DYNC2H1: variants seen among roughly 807,000 people sequenced by gnomAD.
DYNC2H1 encodes dynein cytoplasmic 2 heavy chain 1, also known as cytoplasmic dynein 2 heavy chain 1.
A neutral mutation model predicts 570.0 loss-of-function variants in DYNC2H1; 410 were observed. The observed-to-expected ratio is 0.72, with a 90% confidence interval of 0.66 to 0.78. The LOEUF (loss-of-function observed/expected upper bound fraction) is 0.78, where lower values mean the gene tolerates loss of function less well. Among genes scored for constraint, DYNC2H1 ranks in the 30% least tolerant of loss-of-function variants. DYNC2H1 has a pLI of 0.00. For synonymous variants in DYNC2H1, 1,688 were observed against 1,677.6 expected (o/e 1.01, Z -0.15); for missense variants, 4,865 against 5,046.4 (o/e 0.96, Z 1.09).
chr11:103,372,574 T>A (rs1379445713), intron 83 of DYNC2H1, among the ~76,000 whole-genome samples: 1 of 152,196 alleles, frequency 6.6e-6, no homozygotes, highest in Non-Finnish European at 1.5e-5. Flanking sequence ...CTGGGGTGAA[T>A]CCCACTTTAG....
chr11:103,421,726 A>G (rs779633579), intron 84 of DYNC2H1, among the ~76,000 whole-genome samples: 1 of 152,180 alleles, frequency 6.6e-6, no homozygotes, highest in African/African-American at 2.4e-5. Context: ...CAGGAAATTT[A>G]TAGTACTAAA....
intron 17 of DYNC2H1, among the ~76,000 whole-genome samples, chr11:103,139,486 C>T (rs1253527942): frequency 6.6e-6 from 1 of 152,084 alleles, no homozygotes; most frequent in Non-Finnish European, 1.5e-5. Context: ...AGTAGTCATT[C>T]AGGAGCAGGT....
At chr11:103,257,783 G>A (rs1213412632) in intron 69 of DYNC2H1, 32 bp downstream of exon 69, 10 of 1,469,510 alleles carry the variant, frequency 6.8e-6, no homozygotes, top group Non-Finnish European at 9.0e-6. Flanking sequence ...ACCAGAGACT[G>A]AATTACAGGG....
chr11:103,391,516 C>T (rs1209246225), intron 83 of DYNC2H1, among the ~76,000 whole-genome samples: 2 of 152,226 alleles, frequency 1.3e-5, no homozygotes, highest in Non-Finnish European at 2.9e-5. Flanking sequence ...CATTCTCTGT[C>T]CAGCTTTGTT....
At position 103,156,624 on chromosome 11, in the gene DYNC2H1, T is replaced by C; in HGVS notation, c.3981T>C (p.Ile1327=). The C allele has an allele frequency of 1.2e-6, 2 of 1,613,554 alleles. No homozygotes were observed. The highest frequency in any genetic ancestry group is 1.7e-6 in the Non-Finnish European group (2 of 1,179,652). The change falls in exon 26 of 89, where the codon ATT becomes ATC. Residue 1327 remains isoleucine, a synonymous_variant. Coordinates refer to ENST00000375735, the MANE Select transcript of DYNC2H1 (RefSeq NM_001377.3). ...AAGGATTTGAAGATAAAGTATCAAT[T>C]TGGGAAAGAAAACTTGCAGAGTTAG... is the stretch of plus-strand genomic sequence containing the variant. ...YYKGFEDKVS[I]WERKLAELDE...
At chr11:103,415,541 A>G (rs1196161256) in intron 84 of DYNC2H1, among the ~76,000 whole-genome samples, 1 of 152,252 alleles carries the variant, frequency 6.6e-6, no homozygotes, top group Non-Finnish European at 1.5e-5. Context: ...CAACAGACAC[A>G]TAAAAAAACG....
In DYNC2H1 at chr11:103,133,507, GA is replaced by G; in HGVS notation, c.1954-42del. 14 of 1,526,718 alleles carry G rather than the reference GA, an allele frequency of 9.2e-6. No individual in the cohort carries two copies. Among genetic ancestry groups the G allele is most frequent in the East Asian group, 2.4e-5 (1 of 41,878 alleles). The allele number at this position is 1,526,718 out of a possible 1,614,324, so 94.6% of individuals were successfully genotyped here. On this transcript the variant is annotated intron_variant, in intron 13 of 88. Transcript: ENST00000375735. This position sits in a 1 kb window ranked among gnomAD's most constrained non-coding sequence, Gnocchi z 4.8. Reference sequence around the variant, plus strand: ...TTGATATAGAATATTGAAACTTTTGGAAAAAAGAAATACTTATACATACTAA... The same window carrying G: ...TTGATATAGAATATTGAAACTTTTGGAAAAAGAAATACTTATACATACTAA...
At chr11:103,116,416 A>C (rs574479188) in intron 4 of DYNC2H1, among the ~76,000 whole-genome samples, 154 bp from the exon 5 acceptor site, 1 of 152,254 alleles carries the variant, frequency 6.6e-6, no homozygotes, top group Admixed American at 6.5e-5. Flanking sequence ...GGGTATTTGC[A>C]TATGGAAGTA....
At position 103,244,277 on chromosome 11, in the gene DYNC2H1, T is replaced by C. The variant is rs1565426096; in HGVS notation, c.9918+486T>C. On this transcript the variant is annotated intron_variant, in intron 64 of 88. Coordinates refer to ENST00000375735, the MANE Select transcript of DYNC2H1 (RefSeq NM_001377.3). This position sits in a 1 kb window ranked among gnomAD's most constrained non-coding sequence, Gnocchi z 4.3. ...GATTTGATAATTGTTCAGTGAAATA[T>C]AATCATAGTCTTTTTGGTAGTGACT... is the stretch of plus-strand genomic sequence containing the variant. Among the ~76,000 whole-genome samples the C allele has an allele frequency of 6.6e-6, 1 of 152,064 alleles. No individual in the cohort carries two copies. Among genetic ancestry groups the C allele is most frequent in the African/African-American group, 2.4e-5 (1 of 41,448 alleles).
chr11:103,421,892 C>T (rs1482351920), intron 84 of DYNC2H1, among the ~76,000 whole-genome samples: 1 of 131,136 alleles, frequency 7.6e-6, no homozygotes. Flanking sequence ...AGAAAAAAAT[C>T]AAAGAATCCA....
intron 75 of DYNC2H1, among the ~76,000 whole-genome samples, chr11:103,288,684 TAAAAAAAAAAAA>T (rs57040929): frequency 5.0e-4 from 14 of 27,902 alleles, no homozygotes; most frequent in Admixed American, 6.4e-4. Context: ...CCGTCTCTAC[TAAAAAAAAAAAA>T]AAAAAAAAAA....
chr11:103,121,183 CAG>C (rs1858686496), intron 9 of DYNC2H1, 147 bp downstream of exon 9: 2 of 926,904 alleles, frequency 2.2e-6, no homozygotes, highest in Non-Finnish European at 1.5e-6. Context: ...TTATAAATGA[CAG>C]ATTTTTTTGC....
Position 103,358,258 on chromosome 11 carries a change from AG to A in DYNC2H1, c.12057del (p.Ile4020PhefsTer6). On this transcript the variant is annotated frameshift_variant, in exon 83 of 89. Transcript: ENST00000375735. LOFTEE classifies it high-confidence loss of function. Reference sequence around the variant, plus strand: ...TTTTATTCAGGTTATTTCACAGTTGAGGATTTTGGGCAGATCCATAACAGCT... The same window carrying A: ...TTTTATTCAGGTTATTTCACAGTTGAGATTTTGGGCAGATCCATAACAGCT... The part of the protein sequence containing the change: ...MISSQVISQL[R>X]ILGRSITAGS... 1 of 1,577,266 alleles carries A rather than the reference AG, an allele frequency of 6.3e-7. No homozygotes were observed. The highest frequency in any genetic ancestry group is 8.6e-7 in the Non-Finnish European group (1 of 1,159,288).
chr11:103,337,790 G>A (rs984077773), intron 82 of DYNC2H1, among the ~76,000 whole-genome samples: 1 of 152,068 alleles, frequency 6.6e-6, no homozygotes, highest in African/African-American at 2.4e-5. Flanking sequence ...TTAATCTCTT[G>A]TCAGTTGAAT....
Position 103,334,492 on chromosome 11 carries a change from G to GTT in DYNC2H1, c.12039+10509_12039+10510dup. On this transcript the variant is annotated intron_variant, in intron 82 of 88. Transcript: ENST00000375735. The surrounding 1 kb of genome is among the most constrained non-coding windows in gnomAD (Gnocchi z 4.3). ...CATTCTAACAATTCCATGTAATGAA[G>GTT]TTTTTTTTAATTACAAAAACCATTT... Among the ~76,000 whole-genome samples the GTT allele has an allele frequency of 6.6e-6, 1 of 151,972 alleles. No individual in the cohort carries two copies. Among genetic ancestry groups the GTT allele is most frequent in the East Asian group, 1.9e-4 (1 of 5,176 alleles).
intron 87 of DYNC2H1, among the ~76,000 whole-genome samples, chr11:103,459,958 CAAAAAAAA>C (rs376050088): frequency 1.4e-5 from 1 of 70,858 alleles, no homozygotes; most frequent in Admixed American, 1.6e-4. Flanking sequence ...GACTCCGTCT[CAAAAAAAA>C]AAGAAAAAAA....
chr11:103,303,542 C>G (rs1190183269), intron 76 of DYNC2H1, among the ~76,000 whole-genome samples: 1 of 151,850 alleles, frequency 6.6e-6, no homozygotes, highest in African/African-American at 2.4e-5. Context: ...GAGAGTGCAG[C>G]TAGGAGATAT....
rs12224185 is a variant in DYNC2H1 at position 103,244,081 on chromosome 11, C to T, written c.9918+290C>T. Among the ~76,000 whole-genome samples, 16,356 of 152,088 alleles carry T rather than the reference C, an allele frequency of 0.11. 1,023 individuals are homozygous for T. The highest frequency in any genetic ancestry group is 0.21 in the East Asian group (1,108 of 5,182). ...AAACAATTAAAGAAGCTTTGCACTA[C>T]GTTATGACTAATGACACAAGTATAA... On this transcript the variant is annotated intron_variant, in intron 64 of 88. Transcript: ENST00000375735. The surrounding 1 kb of genome is among the most constrained non-coding windows in gnomAD (Gnocchi z 4.3).
chr11:103,187,923 G>A (rs1477228208), intron 43 of DYNC2H1, among the ~76,000 whole-genome samples: 2 of 152,014 alleles, frequency 1.3e-5, no homozygotes, highest in African/African-American at 4.8e-5. Flanking sequence ...TTTAAAGTAT[G>A]CATTCTTCTC....
Sources: gnomAD v4.1 joint callset for allele counts (sites outside exome capture counted in the v4.1 genomes callset) on GRCh38, gnomAD v4.1.1 for gene constraint, Gnocchi (gnomAD v3.1) non-coding constraint, MANE v1.5 for transcripts, NCBI Gene and HGNC (gene_info 2026-07-23, HGNC 2026-07-21) for gene names.